Variants in KL observed in about 807,000 individuals in gnomAD.
KL encodes klotho.
In KL, 62 loss-of-function variants were observed where a neutral mutation model predicts 84.2. The ratio of observed to expected loss-of-function variants is 0.74; its 90% confidence interval spans 0.60 to 0.91. The LOEUF is 0.91. KL is among the 40% of genes least tolerant of loss of function. The pLI is 0.00. For missense variants in KL, 1,261 were observed against 1,305.7 expected (o/e 0.97, Z 0.53); for synonymous variants, 528 against 528.0 (o/e 1.00, Z 0.00).
chr13:33,035,139 T>C (rs141877884), intron 1 of KL, among the ~76,000 whole-genome samples: 33 of 152,336 alleles, frequency 2.2e-4, no homozygotes, highest in African/African-American at 7.9e-4. Context: ...CACCACTCCA[T>C]AAAGCATATT....
At position 33,060,663 on chromosome 13, in the gene KL, A is replaced by G. The variant is rs1872141651; in HGVS notation, c.1600-16A>G. On this transcript the variant is annotated splice_polypyrimidine_tract_variant and intron_variant, in intron 3 of 4. Coordinates refer to ENST00000380099, the MANE Select transcript of KL (RefSeq NM_004795.4). ...GACTGCCCAGGTGACGCTAATGTTT[A>G]CTCTGCCCTTCACAGGTAGATACCA... is the stretch of plus-strand genomic sequence containing the variant. The G allele has an allele frequency of 6.2e-7, 1 of 1,614,016 alleles. No individual in the cohort carries two copies. The highest frequency in any genetic ancestry group is 8.5e-7 in the Non-Finnish European group (1 of 1,179,980).
At chr13:33,050,508 G>A (rs1413387361) in intron 1 of KL, among the ~76,000 whole-genome samples, 1 of 152,194 alleles carries the variant, frequency 6.6e-6, no homozygotes, top group Admixed American at 6.5e-5. Flanking sequence ...CAGGGAGGGA[G>A]TGAGGGAACT....
In KL at chr13:33,029,115, G is replaced by T. The variant is rs186305363; in HGVS notation, c.819+11856G>T. On this transcript the variant is annotated intron_variant, in intron 1 of 4. Coordinates refer to ENST00000380099, the MANE Select transcript of KL (RefSeq NM_004795.4). ...TTACTTGTATTTTTAATTTTAAAAA[G>T]ACATAAATATTTTTTCTATCACTTT... Among the ~76,000 whole-genome samples the T allele has an allele frequency of 2.2e-3, 329 of 152,302 alleles. 1 individual carries two copies. The highest frequency in any genetic ancestry group is 7.2e-3 in the African/African-American group (300 of 41,574).
chr13:33,060,891 T>C lies in KL; in HGVS notation c.1812T>C (p.Pro604=). The C allele has an allele frequency of 6.2e-7, 1 of 1,614,216 alleles. No individual in the cohort carries two copies. The highest frequency in any genetic ancestry group is 8.5e-7 in the Non-Finnish European group (1 of 1,180,022). Residue 604 remains proline (P), a synonymous_variant, in exon 4 of 5, where the codon CCT becomes CCC. Coordinates refer to ENST00000380099, the MANE Select transcript of KL (RefSeq NM_004795.4). ...RFSLDWALIL[P]LGNQSQVNHT... is the part of the protein sequence containing the mutation. ...CCCTGGACTGGGCCCTGATTCTCCC[T>C]CTGGGTAACCAGTCCCAGGTGAACC...
At chr13:33,022,380 T>C (rs1038194819) in intron 1 of KL, among the ~76,000 whole-genome samples, 1 of 152,212 alleles carries the variant, frequency 6.6e-6, no homozygotes, top group African/African-American at 2.4e-5. Flanking sequence ...TGTTGTCTTT[T>C]TGAGGCATAA....
intron 1 of KL, among the ~76,000 whole-genome samples, chr13:33,038,919 T>A (rs1052984682): frequency 1.3e-5 from 2 of 152,210 alleles, no homozygotes; most frequent in African/African-American, 4.8e-5. Flanking sequence ...AAATTTGTGT[T>A]TTCTTATTCA....
intron 1 of KL, among the ~76,000 whole-genome samples, chr13:33,026,777 C>T (rs1870794414): frequency 6.6e-6 from 1 of 152,180 alleles, no homozygotes; most frequent in South Asian, 2.1e-4. Flanking sequence ...TTGGCACCCC[C>T]ATGAGCATAT....
At position 33,061,650 on chromosome 13, in the gene KL, C is replaced by T; in HGVS notation, c.2571C>T (p.Asn857=). 6.2e-7 allele frequency: 1 copy of T among 1,614,176 alleles called. No individual in the cohort carries two copies. The highest frequency in any genetic ancestry group is 8.5e-7 in the Non-Finnish European group (1 of 1,180,026). The part of the protein sequence containing the change: ...VVPWGLRKVL[N]WLKFKYGDLP... ...CCTGGGGGTTGCGCAAAGTGCTGAA[C>T]TGGCTGAAGTTCAAGTACGGAGACC... The change falls in exon 4 of 5, where the codon AAC becomes AAT. Residue 857 remains asparagine (N), a synonymous_variant. Transcript: ENST00000380099.
intron 1 of KL, among the ~76,000 whole-genome samples, chr13:33,048,025 C>A (rs1456145237): frequency 1.3e-5 from 2 of 152,100 alleles, no homozygotes; most frequent in Non-Finnish European, 2.9e-5. Context: ...TTATATCTAT[C>A]TTTTCTTTGA....
At chr13:33,044,210 C>A (rs9536284) in intron 1 of KL, among the ~76,000 whole-genome samples, 17,009 of 152,138 alleles carry the variant, frequency 0.11, 1,190 homozygotes, top group African/African-American at 0.21. Flanking sequence ...CCAATATCAC[C>A]CTATATTAAA....
Position 33,060,635 on chromosome 13 carries a change from C to T in KL, c.1600-44C>T, listed in dbSNP as rs1304788033. ...AAATAATTGCTTTGAATTACTTCCT[C>T]AGGACTGCCCAGGTGACGCTAATGT... On this transcript the variant is annotated intron_variant, in intron 3 of 4. Transcript: ENST00000380099. The T allele has an allele frequency of 3.1e-6, 5 of 1,612,682 alleles. No homozygotes were observed. The East Asian group carries it at 8.9e-5, about 29-fold the overall frequency.
intron 1 of KL, among the ~76,000 whole-genome samples, chr13:33,038,741 T>C (rs1445757714): frequency 1.3e-5 from 2 of 152,116 alleles, no homozygotes; most frequent in East Asian, 3.9e-4. Context: ...TAAGTAATCA[T>C]TGAAAAGTGA....
At chr13:33,023,942 T>C (rs1351787418) in intron 1 of KL, among the ~76,000 whole-genome samples, 1 of 152,228 alleles carries the variant, frequency 6.6e-6, no homozygotes, top group African/African-American at 2.4e-5. Context: ...GTGGCTCTCC[T>C]GGGGTCAGCT....
At chr13:33,046,281 AG>A (rs917525938) in intron 1 of KL, among the ~76,000 whole-genome samples, 2 of 152,130 alleles carry the variant, frequency 1.3e-5, no homozygotes, top group Non-Finnish European at 2.9e-5. Flanking sequence ...GGCTTTTCTT[AG>A]TTTGAAAGTT....
At chr13:33,026,758 T>C (rs1386345739) in intron 1 of KL, among the ~76,000 whole-genome samples, 2 of 152,136 alleles carry the variant, frequency 1.3e-5, no homozygotes, top group African/African-American at 4.8e-5. Context: ...ACTGAATGTC[T>C]CAGTGAGATT....
rs765742190 is a variant in KL, at chr13:33,060,977, C to T, written c.1898C>T (p.Pro633Leu). The T allele has an allele frequency of 6.2e-7, 1 of 1,612,728 alleles. No homozygotes were observed. The change falls in exon 4 of 5, where the codon CCA (proline) becomes CTA (leucine). Residue 633 changes from proline to leucine, a missense_variant. Transcript: ENST00000380099. ...GAGCTTGTCCGTGTCAACATCACCC[C>T]AGTGGTGGCCCTGTGGCAGCCTATG... ...ASELVRVNIT[P>L]VVALWQPMAP...
intron 1 of KL, among the ~76,000 whole-genome samples, chr13:33,025,892 C>A (rs1870754874): frequency 6.6e-6 from 1 of 152,120 alleles, no homozygotes; most frequent in African/African-American, 2.4e-5. Context: ...TTCAAACTTT[C>A]AATCTTATTA....
intron 3 of KL, among the ~76,000 whole-genome samples, chr13:33,059,706 C>T (rs1247677888): frequency 6.6e-6 from 1 of 152,172 alleles, no homozygotes; most frequent in Non-Finnish European, 1.5e-5. Context: ...CTCCTGATCT[C>T]ATGATCTGCC....
intron 1 of KL, among the ~76,000 whole-genome samples, chr13:33,018,898 A>G (rs117993100): frequency 9.8e-5 from 15 of 152,382 alleles, no homozygotes; most frequent in Non-Finnish European, 2.1e-4. Flanking sequence ...TCATTTTATT[A>G]TAAGATAAAG....
Sources: gnomAD v4.1 joint callset for allele counts (sites outside exome capture counted in the v4.1 genomes callset) on GRCh38, gnomAD v4.1.1 for gene constraint, MANE v1.5 for transcripts, NCBI Gene and HGNC (gene_info 2026-07-23, HGNC 2026-07-21) for gene names.